The following IGSF22 variants were observed in gnomAD, a reference collection of about 807,000 sequenced individuals.
The protein encoded by IGSF22 is immunoglobulin superfamily, member 22.
IGSF22 carries 119 observed loss-of-function variants against 127.0 expected under a neutral mutation model. The observed-to-expected ratio is 0.94, with a 90% confidence interval of 0.81 to 1.09. The LOEUF (loss-of-function observed/expected upper bound fraction) is 1.09. Ranked by LOEUF, IGSF22 falls within the 50% of genes least tolerant of loss-of-function variation. The pLI is 0.00. For missense variants in IGSF22, 1,518 were observed against 1,716.6 expected (o/e 0.88, Z 2.04); for synonymous variants, 568 against 664.7 (o/e 0.85, Z 2.24).
Position 18,706,018 on chromosome 11 carries a change from G to T in IGSF22, c.3709C>A (p.Leu1237Ile). The change falls in exon 22 of 23, where the codon CTT becomes ATT. Residue 1237 changes from leucine (L) to isoleucine (I), a missense_variant. Around this residue, in one of 3 missense-constraint regions of IGSF22, gnomAD observed 1,456 missense variants for 1,644.9 expected, o/e 0.89. Coordinates refer to ENST00000513874, the MANE Select transcript of IGSF22 (RefSeq NM_173588.4). ...GQDCTMTCAF[L>I]GNPRPTVTLY... ...GTCACTGTGGGCCGCGGGTTCCCAA[G>T]GAAGGCGCAGGTCATGGTGCAGTCC... 6.4e-7 allele frequency: 1 copy of T among 1,551,670 alleles called. No individual in the cohort carries two copies. The highest frequency in any genetic ancestry group is 8.7e-7 in the Non-Finnish European group (1 of 1,146,972).
In IGSF22 at chr11:18,708,210, G is replaced by A; in HGVS notation, c.3084C>T (p.Phe1028=). ...GTCAGGGTCAGGGACAACTCACAGAGAAGGCTGCATGGATGCAGAGGGCTG... is the reference window on the plus strand; with the variant it reads ...GTCAGGGTCAGGGACAACTCACAGAAAAGGCTGCATGGATGCAGAGGGCTG... ...AGTALCIHAA[F]SGSPPPDVIW... The change falls in exon 19 of 23, where the codon TTC becomes TTT. Residue 1028 remains phenylalanine (F), a synonymous_variant. Coordinates refer to ENST00000513874, the MANE Select transcript of IGSF22 (RefSeq NM_173588.4). 1 of 1,542,184 alleles carries A rather than the reference G, an allele frequency of 6.5e-7. No homozygotes were observed. Among genetic ancestry groups the A allele is most frequent in the Non-Finnish European group, 8.8e-7 (1 of 1,142,574 alleles).
chr11:18,715,966 A>C (rs1046254366), intron 10 of IGSF22, among the ~76,000 whole-genome samples: 5 of 152,140 alleles, frequency 3.3e-5, no homozygotes, highest in African/African-American at 1.2e-4. Context: ...TCGTATGTAA[A>C]ATGGGGTGAG....
intron 18 of IGSF22, among the ~76,000 whole-genome samples, chr11:18,708,784 C>A (rs1275076428): frequency 6.6e-6 from 1 of 152,206 alleles, no homozygotes; most frequent in Non-Finnish European, 1.5e-5. Flanking sequence ...ATGTGAGGAG[C>A]CTGAATTCTG....
intron 21 of IGSF22, 139 bp from the exon 22 acceptor site, chr11:18,706,285 T>A: frequency 1.2e-6 from 1 of 834,726 alleles, no homozygotes; most frequent in African/African-American, 1.7e-5. Context: ...GGCCCAATGT[T>A]ACACTGGTTC....
At chr11:18,720,908 C>T (rs966272391) in intron 4 of IGSF22, among the ~76,000 whole-genome samples, 11 of 152,162 alleles carry the variant, frequency 7.2e-5, no homozygotes, top group African/African-American at 2.2e-4. Flanking sequence ...CTTTGCCTTT[C>T]ACAACGGGAA....
chr11:18,710,536 T>C, intron 16 of IGSF22, 81 bp from the exon 17 acceptor site: 1 of 1,592,152 alleles, frequency 6.3e-7, no homozygotes, highest in African/African-American at 1.3e-5. Flanking sequence ...GAAGAGGAGG[T>C]CATGGGATGT....
chr11:18,705,675 T>C, intron 22 of IGSF22, 142 bp downstream of exon 22: 1 of 694,302 alleles, frequency 1.4e-6, no homozygotes, highest in Non-Finnish European at 2.4e-6. Context: ...TGGTAAGAAC[T>C]GTGGCCAATT....
At chr11:18,715,393 G>T (rs1170527248) in intron 11 of IGSF22, 39 bp downstream of exon 11, 6 of 1,576,724 alleles carry the variant, frequency 3.8e-6, no homozygotes, top group Middle Eastern at 2.0e-4. Context: ...GCCAGGGTCA[G>T]GGGGATTGGT....
chr11:18,704,489 C>T lies in IGSF22; in HGVS notation c.3960G>A (p.Lys1320=), dbSNP rs1245604894. Residue 1320 remains lysine (K), a synonymous_variant, in exon 23 of 23, where the codon AAG becomes AAA. Transcript: ENST00000513874. ...GAGCTCACATGAGGTGCTTTGATTT[C>T]TTCTGCAGACTCTCGGTGATGGATG... ...VVASITESLQ[K]KSKHLM The T allele has an allele frequency of 1.3e-6, 2 of 1,551,044 alleles. No individual in the cohort carries two copies. The highest frequency in any genetic ancestry group is 4.9e-5 in the East Asian group (2 of 40,888).
At chr11:18,704,568 T>C (rs1290114688) in intron 22 of IGSF22, 30 bp from the exon 23 acceptor site, 4 of 1,386,104 alleles carry the variant, frequency 2.9e-6, no homozygotes, top group Non-Finnish European at 4.0e-6. Flanking sequence ...ATTCGTTATA[T>C]TAATGATGCT....
chr11:18,705,483 C>T (rs769175183), intron 22 of IGSF22: 3 of 284,512 alleles, frequency 1.1e-5, no homozygotes, highest in Non-Finnish European at 2.0e-5. Flanking sequence ...AGGTTATTTC[C>T]AGAACCGTGC....
Position 18,724,166 on chromosome 11 carries a change from TG to T in IGSF22, c.70del (p.His24ThrfsTer17). The T allele has an allele frequency of 6.2e-7, 1 of 1,613,884 alleles. No individual in the cohort carries two copies. The highest frequency in any genetic ancestry group is 8.5e-7 in the Non-Finnish European group (1 of 1,179,868). On this transcript the variant is annotated frameshift_variant, in exon 2 of 23. Coordinates refer to ENST00000513874, the MANE Select transcript of IGSF22 (RefSeq NM_173588.4). LOFTEE classifies it high-confidence loss of function. ...GGTTGTCTGGGAGAAGGTCTGCACG[TG>T]GGTGGTGGAGCTGGAGAACTCCATG... Reference protein sequence around the residue: ...VSMEFSSSTTHVQTFSQTTKI... With the variant: ...VSMEFSSSTTXVQTFSQTTKI...
In IGSF22 at chr11:18,706,115, G is replaced by A. The variant is rs1348099271; in HGVS notation, c.3612C>T (p.Tyr1204=). ...IQDLSAKLKP[Y]EKKDWRHAPR... is the part of the protein sequence containing the mutation. Reference sequence around the variant, plus strand: ...GCGCGTGGCGCCAGTCCTTCTTCTCGTAGGGCTTGAGCTTGGCGCTCAGGT... The same window carrying A: ...GCGCGTGGCGCCAGTCCTTCTTCTCATAGGGCTTGAGCTTGGCGCTCAGGT... Residue 1204 remains tyrosine (Y), a synonymous_variant, in exon 22 of 23, where the codon TAC becomes TAT. Transcript: ENST00000513874. 1.9e-6 allele frequency: 3 copies of A among 1,544,990 alleles called. No homozygotes were observed. The Admixed American group carries it at 5.9e-5, about 30-fold the overall frequency.
chr11:18,721,465 C>CT, intron 4 of IGSF22, 70 bp downstream of exon 4: 1 of 1,604,802 alleles, frequency 6.2e-7, no homozygotes, highest in Non-Finnish European at 8.5e-7. Flanking sequence ...GGTGAGAAGA[C>CT]TGGCGGCCCG....
At chr11:18,707,341 C>T (rs1848260605) in intron 20 of IGSF22, 128 bp from the exon 21 acceptor site, 4 of 838,704 alleles carry the variant, frequency 4.8e-6, no homozygotes, top group African/African-American at 1.7e-5. Flanking sequence ...GTCTTGGAGT[C>T]GGAAAACTAT....
intron 7 of IGSF22, 82 bp downstream of exon 7, chr11:18,719,634 G>A (rs1420680106): frequency 5.7e-6 from 8 of 1,393,304 alleles, no homozygotes; most frequent in Non-Finnish European, 7.9e-6. Context: ...AGACCTTCTT[G>A]CTGAGAAATA....
chr11:18,704,997 C>G lies in IGSF22; in HGVS notation c.3911-459G>C, dbSNP rs1048987732. On this transcript the variant is annotated intron_variant, in intron 22 of 22. Transcript: ENST00000513874. Reference sequence around the variant, plus strand: ...GGAGATATTGTCTCAGTGCCAGACACTTAGCTAAGCACTCGAGAGACAGAG... The same window carrying G: ...GGAGATATTGTCTCAGTGCCAGACAGTTAGCTAAGCACTCGAGAGACAGAG... Among the ~76,000 whole-genome samples the G allele has an allele frequency of 1.4e-4, 21 of 152,178 alleles. 1 individual carries two copies. The highest frequency in any genetic ancestry group is 6.5e-5 in the Admixed American group (1 of 15,280).
At chr11:18,726,030 G>T (rs1274302207) in intron 1 of IGSF22, 44 bp downstream of exon 1, 2 of 152,350 alleles carry the variant, frequency 1.3e-5, no homozygotes, top group African/African-American at 2.4e-5. Flanking sequence ...GGCTCAGAAG[G>T]TGGTCAGCTT....
In IGSF22 at chr11:18,719,716, C is replaced by G. The variant is rs766499669; in HGVS notation, c.696G>C (p.Glu232Asp). 3.7e-6 allele frequency: 6 copies of G among 1,613,880 alleles called. No homozygotes were observed. Among genetic ancestry groups the G allele is most frequent in the Non-Finnish European group, 5.1e-6 (6 of 1,179,974 alleles). The stretch of plus-strand genomic sequence containing the variant: ...CCCCTGCTCCCTGCAGGGTACTTAC[C>G]TCCACCTCTACTTTCTTCTTCATCT... ...LKEMKKKVEV[E>D]AIRILKPLED... The change falls in exon 7 of 23, where the codon GAG (glutamate) becomes GAC (aspartate). Residue 232 changes from glutamate to aspartate, a missense_variant and splice_region_variant. Glu to Asp is a conservative substitution (Grantham distance 45). Coordinates refer to ENST00000513874, the MANE Select transcript of IGSF22 (RefSeq NM_173588.4).
Sources: allele counts gnomAD v4.1 joint callset (sites outside exome capture counted in the v4.1 genomes callset), GRCh38; gene constraint gnomAD v4.1.1; regional missense constraint gnomAD v4.1.1; transcripts MANE v1.5; gene names NCBI Gene and HGNC (gene_info 2026-07-23, HGNC 2026-07-21).